Variants in ANO3 observed in about 807,000 individuals in gnomAD.
The protein encoded by ANO3 is anoctamin 3.
Under a neutral mutation model 144.8 loss-of-function variants are expected in ANO3, and 99 were observed. That is an observed-to-expected ratio of 0.68 (90% CI 0.58 to 0.81). The LOEUF is 0.81. ANO3 is among the 30% of genes least tolerant of loss of function. The pLI is 0.00. For missense variants in ANO3, 905 were observed against 1,202.2 expected (o/e 0.75, Z 3.66); for synonymous variants, 414 against 392.6 (o/e 1.05, Z -0.64).
intron 3 of ANO3, among the ~76,000 whole-genome samples, chr11:26,460,430 C>T (rs199861085): frequency 0.047 from 194 of 4,092 alleles, 6 homozygotes; most frequent in African/African-American, 0.092. Context: ...GGGGGGGGGG[C>T]GGGCGGGTGG....
chr11:26,245,951 C>T (rs1852781540), intron 1 of ANO3, among the ~76,000 whole-genome samples: 1 of 152,160 alleles, frequency 6.6e-6, no homozygotes, highest in African/African-American at 2.4e-5. Flanking sequence ...TTTCCTCCTG[C>T]AGTATGAGTT....
chr11:26,191,084 C>T (rs1296178241), intron 1 of ANO3, among the ~76,000 whole-genome samples: 1 of 152,202 alleles, frequency 6.6e-6, no homozygotes, highest in East Asian at 1.9e-4. Context: ...CTAGACCAGC[C>T]TGACAAACAT....
chr11:26,260,415 A>T (rs1853160152), intron 1 of ANO3, among the ~76,000 whole-genome samples: 1 of 152,194 alleles, frequency 6.6e-6, no homozygotes, highest in Admixed American at 6.5e-5. Context: ...AAGTTTTGTG[A>T]TTTATCCTAT....
intron 14 of ANO3, among the ~76,000 whole-genome samples, chr11:26,561,529 T>C (rs572144728): frequency 5.3e-5 from 8 of 152,086 alleles, no homozygotes; most frequent in African/African-American, 1.9e-4. Context: ...CCATACCTCA[T>C]TGACTTTTGA....
At chr11:26,354,425 C>G (rs1457338470) in intron 1 of ANO3, among the ~76,000 whole-genome samples, 1 of 152,128 alleles carries the variant, frequency 6.6e-6, no homozygotes, top group Non-Finnish European at 1.5e-5. Context: ...CCAAGCACAT[C>G]AATTTGTATG....
At chr11:26,328,355 G>A (rs989512983), upstream of ANO3, among the ~76,000 whole-genome samples, 17 of 152,026 alleles carry the variant, frequency 1.1e-4, no homozygotes, top group Non-Finnish European at 8.8e-5. Flanking sequence ...TTTAATATAC[G>A]GAGAGAAACT....
intron 1 of ANO3, among the ~76,000 whole-genome samples, chr11:26,368,848 C>A (rs1196479709): frequency 5.9e-5 from 9 of 151,602 alleles, no homozygotes; most frequent in Admixed American, 5.9e-4. Flanking sequence ...TAAAAATGCA[C>A]TGCTTTATTT....
chr11:26,534,917 G>A (rs10835001), intron 9 of ANO3, among the ~76,000 whole-genome samples: 107,343 of 151,766 alleles, frequency 0.71, 38,291 homozygotes, highest in East Asian at 0.84. Flanking sequence ...AATACCTTAC[G>A]TGTCCATGCT....
intron 1 of ANO3, among the ~76,000 whole-genome samples, chr11:26,289,309 G>A (rs145424746): frequency 1.3e-3 from 201 of 151,720 alleles, no homozygotes; most frequent in African/African-American, 4.4e-3. Flanking sequence ...TTTCAACTGA[G>A]CATACTCAGT....
At chr11:26,647,953 G>C in intron 24 of ANO3, 97 bp downstream of exon 24, 1 of 1,187,138 alleles carries the variant, frequency 8.4e-7, no homozygotes, top group East Asian at 2.6e-5. Flanking sequence ...ATTAAGGGTG[G>C]TGTTTCTAAG....
chr11:26,450,999 C>G (rs1042313646), intron 3 of ANO3, among the ~76,000 whole-genome samples: 7 of 152,168 alleles, frequency 4.6e-5, no homozygotes, highest in Admixed American at 4.6e-4. Flanking sequence ...CTGATGCTTA[C>G]ATGCAAACAA....
chr11:26,334,417 G>GAAA (rs1480061718), intron 1 of ANO3, among the ~76,000 whole-genome samples: 1 of 152,170 alleles, frequency 6.6e-6, no homozygotes, highest in Non-Finnish European at 1.5e-5. Context: ...TAGGAGGTAT[G>GAAA]CAACAACAAC....
chr11:26,462,443 T>C (rs1348443898), intron 3 of ANO3, among the ~76,000 whole-genome samples: 1 of 151,956 alleles, frequency 6.6e-6, no homozygotes, highest in Non-Finnish European at 1.5e-5. Flanking sequence ...GTGTAACTGA[T>C]ATTATAGCAT....
chr11:26,589,174 G>A (rs1851371894), intron 14 of ANO3, among the ~76,000 whole-genome samples: 1 of 152,170 alleles, frequency 6.6e-6, no homozygotes, highest in Non-Finnish European at 1.5e-5. Flanking sequence ...TATTGTCTGT[G>A]TCACAGCCAA....
chr11:26,607,098 G>A (rs1181204744), intron 17 of ANO3, among the ~76,000 whole-genome samples: 1 of 152,172 alleles, frequency 6.6e-6, no homozygotes, highest in Non-Finnish European at 1.5e-5. Context: ...CTTTAAGAAT[G>A]TCAAATATTG....
At chr11:26,318,710 G>A (rs1041015042) in intron 1 of ANO3, among the ~76,000 whole-genome samples, 1 of 152,172 alleles carries the variant, frequency 6.6e-6, no homozygotes, top group African/African-American at 2.4e-5. Flanking sequence ...TGTGCATCAG[G>A]TGGAGAACAT....
At chr11:26,345,238 A>C (rs1311439222) in intron 1 of ANO3, among the ~76,000 whole-genome samples, 1 of 152,176 alleles carries the variant, frequency 6.6e-6, no homozygotes, top group Non-Finnish European at 1.5e-5. Flanking sequence ...AAATTATCAG[A>C]TATCCCTTCC....
intron 4 of ANO3, among the ~76,000 whole-genome samples, chr11:26,487,658 C>G (rs1306881705): frequency 6.6e-6 from 1 of 152,028 alleles, no homozygotes; most frequent in Non-Finnish European, 1.5e-5. Context: ...GCAATAAGGT[C>G]CAGGCTGAGG....
rs79353669 is a variant in ANO3, at chr11:26,469,182, C to T, written c.432+6034C>T. On this transcript the variant is annotated intron_variant, in intron 4 of 26. Transcript: ENST00000256737. ...CCATTTAAGTACTTAGTTTGACCCT[C>T]GGAAACCTCTCTAAGTAAATGGTGA... is the stretch of plus-strand genomic sequence containing the variant. Among the ~76,000 whole-genome samples, 494 of 152,012 alleles carry T rather than the reference C, an allele frequency of 3.2e-3. 3 individuals are homozygous for T. Among genetic ancestry groups the T allele is most frequent in the African/African-American group, 0.011 (463 of 41,496 alleles).
Sources: gnomAD v4.1 joint callset for allele counts (sites outside exome capture counted in the v4.1 genomes callset) on GRCh38, gnomAD v4.1.1 for gene constraint, MANE v1.5 for transcripts, NCBI Gene and HGNC (gene_info 2026-07-23, HGNC 2026-07-21) for gene names.